The following NEURL1 variants were observed in gnomAD, a reference collection of about 807,000 sequenced individuals.
NEURL1 encodes neuralized E3 ubiquitin protein ligase 1, also known as E3 ubiquitin-protein ligase NEURL1.
In NEURL1, 26 loss-of-function variants were observed where a neutral mutation model predicts 41.2. That is an observed-to-expected ratio of 0.63 (90% confidence interval 0.46 to 0.87). The LOEUF (loss-of-function observed/expected upper bound fraction) is 0.87, where lower values mean the gene tolerates loss of function less well. Among genes scored for constraint, NEURL1 ranks in the 40% least tolerant of loss-of-function variants. NEURL1 has a pLI of 0.00. For missense variants in NEURL1, 761 were observed against 871.1 expected (o/e 0.87, Z 1.59); for synonymous variants, 400 against 402.3 (o/e 0.99, Z 0.07).
chr10:103,507,365 A>G (rs1453099451), intron 1 of NEURL1, among the ~76,000 whole-genome samples: 1 of 152,052 alleles, frequency 6.6e-6, no homozygotes, highest in African/African-American at 2.4e-5. Flanking sequence ...GGGGCAAGAG[A>G]TGGGGAGGGG....
At chr10:103,588,806 T>A in intron 4 of NEURL1, 1 of 426,412 alleles carries the variant, frequency 2.3e-6, no homozygotes, top group South Asian at 1.7e-5. Flanking sequence ...ATTAGCTGGG[T>A]GTGGTGGCAT....
At chr10:103,529,314 G>C (rs143299371) in intron 1 of NEURL1, among the ~76,000 whole-genome samples, 5 of 152,166 alleles carry the variant, frequency 3.3e-5, no homozygotes, top group African/African-American at 1.2e-4. Flanking sequence ...GCCTTGAGCC[G>C]AGCCATGGGT....
At chr10:103,585,676 TACAA>T (rs1014869484) in intron 4 of NEURL1, among the ~76,000 whole-genome samples, 3 of 151,860 alleles carry the variant, frequency 2.0e-5, no homozygotes, top group Admixed American at 6.6e-5. Context: ...CTACTAAAAA[TACAA>T]ACAATTAGCG....
At chr10:103,550,076 T>C (rs561329939) in intron 1 of NEURL1, among the ~76,000 whole-genome samples, 4 of 152,236 alleles carry the variant, frequency 2.6e-5, no homozygotes, top group Non-Finnish European at 5.9e-5. Flanking sequence ...GTGAATTTGT[T>C]CCATGTTTTA....
At chr10:103,538,770 C>T (rs1389801329) in intron 1 of NEURL1, among the ~76,000 whole-genome samples, 3 of 150,622 alleles carry the variant, frequency 2.0e-5, no homozygotes, top group Non-Finnish European at 4.4e-5. Flanking sequence ...CCTCAGCCTC[C>T]TGAGTAGCTG....
At chr10:103,573,082 A>G (rs2035584639) in intron 3 of NEURL1, among the ~76,000 whole-genome samples, 1 of 152,192 alleles carries the variant, frequency 6.6e-6, no homozygotes, top group African/African-American at 2.4e-5. Flanking sequence ...CAGTGATAGT[A>G]AAAACAAAGA....
chr10:103,584,422 G>T, intron 3 of NEURL1, 114 bp from the exon 4 acceptor site: 1 of 548,846 alleles, frequency 1.8e-6, no homozygotes. Flanking sequence ...AGCATCGTGT[G>T]CGCCATTAGC....
At chr10:103,581,725 C>T (rs1288917619) in intron 3 of NEURL1, among the ~76,000 whole-genome samples, 1 of 152,142 alleles carries the variant, frequency 6.6e-6, no homozygotes, top group East Asian at 1.9e-4. Flanking sequence ...ATGCCTTGAG[C>T]TGGTTGGTGC....
intron 1 of NEURL1, among the ~76,000 whole-genome samples, chr10:103,518,677 T>A (rs2133853625): frequency 6.6e-6 from 1 of 152,098 alleles, no homozygotes; most frequent in Non-Finnish European, 1.5e-5. Flanking sequence ...GGTGAGGGAG[T>A]GAGCAGTGCA....
At chr10:103,514,320 G>A (rs1237997074) in intron 1 of NEURL1, among the ~76,000 whole-genome samples, 3 of 152,066 alleles carry the variant, frequency 2.0e-5, no homozygotes, top group Non-Finnish European at 4.4e-5. Flanking sequence ...TCGATCTCTT[G>A]ACCTTGTGAT....
intron 1 of NEURL1, chr10:103,555,288 G>T: frequency 8.4e-7 from 1 of 1,192,064 alleles, no homozygotes; most frequent in Non-Finnish European, 1.1e-6. Context: ...CGGGGGAGGA[G>T]ACGGGGGAGG....
intron 1 of NEURL1, among the ~76,000 whole-genome samples, chr10:103,542,390 A>G (rs1256800150): frequency 2.0e-5 from 3 of 152,094 alleles, no homozygotes; most frequent in African/African-American, 4.8e-5. Context: ...CTTCCAAGTA[A>G]CTGAGACTAC....
chr10:103,563,341 A>T (rs1196636913), intron 1 of NEURL1, among the ~76,000 whole-genome samples: 2 of 152,194 alleles, frequency 1.3e-5, no homozygotes, highest in African/African-American at 4.8e-5. Context: ...AAATAAATCA[A>T]GGTCCAGAGA....
At chr10:103,560,960 C>T (rs1380938391) in intron 1 of NEURL1, among the ~76,000 whole-genome samples, 3 of 152,254 alleles carry the variant, frequency 2.0e-5, no homozygotes, top group African/African-American at 7.2e-5. Context: ...CTCCCAGTTT[C>T]TGTGGCTCAG....
intron 3 of NEURL1, among the ~76,000 whole-genome samples, chr10:103,580,461 T>G (rs1353270304): frequency 6.6e-6 from 1 of 152,208 alleles, no homozygotes; most frequent in African/African-American, 2.4e-5. Flanking sequence ...GGTGCAGTCT[T>G]GGGCCGAGGT....
chr10:103,503,120 C>G (rs3014207), intron 1 of NEURL1, among the ~76,000 whole-genome samples: 115,431 of 152,246 alleles, frequency 0.76, 44,033 homozygotes, highest in East Asian at 1. Context: ...AGCCAGAGTC[C>G]AAAGGCCCTG....
chr10:103,529,195 ATTGT>A (rs1164886049), intron 1 of NEURL1, among the ~76,000 whole-genome samples: 1 of 152,124 alleles, frequency 6.6e-6, no homozygotes. Context: ...AATTGTCTTG[ATTGT>A]TTGTAGAAGT....
intron 1 of NEURL1, among the ~76,000 whole-genome samples, chr10:103,518,939 A>G (rs535273957): frequency 1.1e-4 from 16 of 152,306 alleles, no homozygotes; most frequent in African/African-American, 3.4e-4. Context: ...CAATAAGCAC[A>G]TATTGCTTTT....
intron 4 of NEURL1, among the ~76,000 whole-genome samples, chr10:103,588,090 G>A (rs867155542): frequency 1.4e-4 from 21 of 151,862 alleles, no homozygotes; most frequent in African/African-American, 4.6e-4. Flanking sequence ...GGATCACAAG[G>A]TCAGGAGATC....
Sources: gnomAD v4.1 joint callset for allele counts (sites outside exome capture counted in the v4.1 genomes callset) on GRCh38, gnomAD v4.1.1 for gene constraint, MANE v1.5 for transcripts, NCBI Gene and HGNC (gene_info 2026-07-23, HGNC 2026-07-21) for gene names.